NDST1: variants seen among roughly 807,000 people sequenced by gnomAD.
NDST1 encodes N-deacetylase and N-sulfotransferase 1, also known as bifunctional heparan sulfate N-deacetylase/N-sulfotransferase 1.
A neutral mutation model predicts 92.8 loss-of-function variants in NDST1; 35 were observed. The observed-to-expected ratio is 0.38, with a 90% CI of 0.29 to 0.50. The LOEUF (loss-of-function observed/expected upper bound fraction) is 0.50, where lower values mean the gene tolerates loss of function less well. NDST1 is among the 20% of genes least tolerant of loss of function. The probability of loss-of-function intolerance (pLI) is 0.94; values close to 1 mark genes in which losing one functional copy is unlikely to be tolerated. For synonymous variants in NDST1, 493 were observed against 500.3 expected (o/e 0.99, Z 0.19); for missense variants, 822 against 1,182.7 (o/e 0.69, Z 4.47).
At chr5:150,538,955 CA>C (rs1204328972) in intron 6 of NDST1, among the ~76,000 whole-genome samples, 1 of 152,258 alleles carries the variant, frequency 6.6e-6, no homozygotes, top group Admixed American at 6.5e-5. Context: ...GTGGCTGCAG[CA>C]GTCCCAAGTT....
Position 150,521,012 on chromosome 5 carries a change from C to T in NDST1, c.-243C>T. On this transcript the variant is annotated 5_prime_UTR_variant, in exon 2 of 15. Coordinates refer to ENST00000261797, the MANE Select transcript of NDST1 (RefSeq NM_001543.5). This position sits in a 1 kb window ranked among gnomAD's most constrained non-coding sequence, Gnocchi z 5.9. ...CTGCACAGGACCACGCGGGGGTTTGCCATGGTGACATAAAGGGGCGCGGAG... is the reference window on the plus strand; with the variant it reads ...CTGCACAGGACCACGCGGGGGTTTGTCATGGTGACATAAAGGGGCGCGGAG... 1.7e-6 allele frequency: 1 copy of T among 597,306 alleles called. No homozygotes were observed. The highest frequency in any genetic ancestry group is 3.0e-6 in the Non-Finnish European group (1 of 335,638). The allele number at this position is 597,306 out of a possible 1,614,324, so 37.0% of individuals were successfully genotyped here.
At chr5:150,499,318 G>A (rs1753128982) in intron 1 of NDST1, among the ~76,000 whole-genome samples, 1 of 152,190 alleles carries the variant, frequency 6.6e-6, no homozygotes, top group East Asian at 1.9e-4. Flanking sequence ...GGTCATTGCT[G>A]GAGGTGAGGC....
chr5:150,552,305 C>G (rs549529729), intron 14 of NDST1, among the ~76,000 whole-genome samples: 1 of 151,864 alleles, frequency 6.6e-6, no homozygotes, highest in Non-Finnish European at 1.5e-5. Flanking sequence ...TCTGGAGTTG[C>G]GCCTAGAAGG....
chr5:150,535,321 G>T, intron 5 of NDST1: 1 of 985,430 alleles, frequency 1.0e-6, no homozygotes, highest in Non-Finnish European at 1.2e-6. Context: ...AGAAGGGGAG[G>T]CTCTGGAAAG....
rs763929007 is a variant in NDST1, at chr5:150,533,009, A to T, written c.1073A>T (p.Tyr358Phe). The change falls in exon 4 of 15, where the codon TAC becomes TTC. Residue 358 changes from tyrosine (Y) to phenylalanine (F), a missense_variant. Physicochemically the swap from Tyr to Phe is conservative, Grantham distance 22. Coordinates refer to ENST00000261797, the MANE Select transcript of NDST1 (RefSeq NM_001543.5). ...CCAAACTTCACCTTCAACCTGGGCTACTCAGGGAAATTCTTCCACACAGGT... is the reference window on the plus strand; with the variant it reads ...CCAAACTTCACCTTCAACCTGGGCTTCTCAGGGAAATTCTTCCACACAGGT... ...HIPNFTFNLG[Y>F]SGKFFHTGTN... is the part of the protein sequence containing the mutation. 4 of 1,614,014 alleles carry T rather than the reference A, an allele frequency of 2.5e-6. No individual in the cohort carries two copies. The African/African-American group carries it at 4.0e-5, about 16-fold the overall frequency.
At position 150,555,550 on chromosome 5, in the gene NDST1, G is replaced by A. The variant is rs1035841554; in HGVS notation, c.*2218G>A. The A allele has an allele frequency of 1.3e-5, 2 of 152,378 alleles. No individual in the cohort carries two copies. Among genetic ancestry groups the A allele is most frequent in the African/African-American group, 4.8e-5 (2 of 41,450 alleles). 9.4% of individuals were successfully genotyped at this position (152,378 alleles called of 1,614,324 possible). ...GAGCAGCAAAGGGTCTGAGGACAGG[G>A]TGGCATGTCTGCTTGTGTGCTCATG... is the stretch of plus-strand genomic sequence containing the variant. On this transcript the variant is annotated 3_prime_UTR_variant, in exon 15 of 15. Coordinates refer to ENST00000261797, the MANE Select transcript of NDST1 (RefSeq NM_001543.5).
intron 2 of NDST1, 108 bp from the exon 3 acceptor site, chr5:150,527,696 G>T: frequency 6.5e-7 from 1 of 1,527,940 alleles, no homozygotes. Context: ...CTCCATGAAT[G>T]TTGGTGAATA....
chr5:150,553,739 G>C lies in NDST1; in HGVS notation c.*407G>C. The C allele has an allele frequency of 2.4e-6, 1 of 417,290 alleles. No homozygotes were observed. Among genetic ancestry groups the C allele is most frequent in the East Asian group, 4.8e-5 (1 of 20,822 alleles). The allele number at this position is 417,290 out of a possible 1,614,324, so 25.8% of individuals were successfully genotyped here. On this transcript the variant is annotated 3_prime_UTR_variant, in exon 15 of 15. Transcript: ENST00000261797. The surrounding 1 kb of genome is among the most constrained non-coding windows in gnomAD (Gnocchi z 4.2). ...TATGTCCCTGTCCTCCAGGCTGTAG[G>C]GGAGGAGAGCCTGGCCGGGGGAGAC... is the stretch of plus-strand genomic sequence containing the variant.
rs1239080527 is a variant in NDST1, at chr5:150,553,973, G to T, written c.*641G>T. ...ACTCCATCCTCAAGGCTTCCCGCAG[G>T]GCCTTGGGGCACTGCCTTGCCATCG... On this transcript the variant is annotated 3_prime_UTR_variant, in exon 15 of 15. Coordinates refer to ENST00000261797, the MANE Select transcript of NDST1 (RefSeq NM_001543.5). The surrounding 1 kb of genome is among the most constrained non-coding windows in gnomAD (Gnocchi z 4.2). 1 of 409,226 alleles carries T rather than the reference G, an allele frequency of 2.4e-6. No individual in the cohort carries two copies. Among genetic ancestry groups the T allele is most frequent in the Non-Finnish European group, 4.3e-6 (1 of 231,140 alleles). The allele number at this position is 409,226 out of a possible 1,614,324, so 25.3% of individuals were successfully genotyped here.
chr5:150,544,055 G>A (rs781006943), intron 10 of NDST1, among the ~76,000 whole-genome samples: 2 of 152,224 alleles, frequency 1.3e-5, no homozygotes, highest in Non-Finnish European at 2.9e-5. Context: ...TGGGATTACG[G>A]CGTGCGCCAC....
At chr5:150,548,144 G>C (rs891981740) in intron 11 of NDST1, 74 bp from the exon 12 acceptor site, 2 of 1,582,976 alleles carry the variant, frequency 1.3e-6, no homozygotes, top group South Asian at 2.2e-5. Context: ...GCCACCTTGC[G>C]GGCTGCTGTC....
intron 3 of NDST1, among the ~76,000 whole-genome samples, chr5:150,529,729 T>A (rs1313883140): frequency 6.6e-6 from 1 of 152,228 alleles, no homozygotes; most frequent in Non-Finnish European, 1.5e-5. Flanking sequence ...TATAGGAGAT[T>A]AGCAAGTGTT....
At chr5:150,537,166 C>T (rs61036325) in intron 6 of NDST1, among the ~76,000 whole-genome samples, 3,694 of 152,242 alleles carry the variant, frequency 0.024, 150 homozygotes, top group East Asian at 0.16. Flanking sequence ...GGATGAATGT[C>T]GTCTCAGGAC....
At chr5:150,513,748 C>A (rs1753831635) in intron 1 of NDST1, among the ~76,000 whole-genome samples, 1 of 152,334 alleles carries the variant, frequency 6.6e-6, no homozygotes, top group Non-Finnish European at 1.5e-5. Flanking sequence ...CAGGCCCAAG[C>A]CGGACCCCCT....
chr5:150,545,207 G>A lies in NDST1; in HGVS notation c.1971-105G>A, dbSNP rs1755427663. 5.5e-5 allele frequency: 73 copies of A among 1,339,038 alleles called. No individual in the cohort carries two copies. The South Asian group carries it at 8.6e-4, about 16-fold the overall frequency. 82.9% of individuals were successfully genotyped at this position (1,339,038 alleles called of 1,614,324 possible). On this transcript the variant is annotated intron_variant, in intron 10 of 14. Transcript: ENST00000261797. ...TGGTTGGGAGCAAAGCTTCCCACTT[G>A]CTCTCTGAGGACATTCTACCCCAGT... is the stretch of plus-strand genomic sequence containing the variant.
chr5:150,498,659 T>C (rs1753100362), intron 1 of NDST1, among the ~76,000 whole-genome samples: 1 of 152,198 alleles, frequency 6.6e-6, no homozygotes, highest in African/African-American at 2.4e-5. Flanking sequence ...CAACCTCCTT[T>C]TGTCCCTCCA....
chr5:150,547,422 G>A (rs1262413115), intron 11 of NDST1, among the ~76,000 whole-genome samples: 1 of 152,228 alleles, frequency 6.6e-6, no homozygotes, highest in Non-Finnish European at 1.5e-5. Context: ...GATAGTGCCT[G>A]TCGCACAGGT....
intron 2 of NDST1, among the ~76,000 whole-genome samples, chr5:150,522,244 T>C (rs1399774529): frequency 1.3e-5 from 2 of 152,124 alleles, no homozygotes; most frequent in Admixed American, 6.5e-5. Context: ...CTCTATCCCA[T>C]GCTCTTCCCT....
chr5:150,537,742 C>T (rs1232369455), intron 6 of NDST1, among the ~76,000 whole-genome samples: 2 of 152,192 alleles, frequency 1.3e-5, no homozygotes, highest in African/African-American at 4.8e-5. Context: ...TTCGTACGCT[C>T]CCTCCCCTTT....
Sources: gnomAD v4.1 joint callset for allele counts (sites outside exome capture counted in the v4.1 genomes callset) on GRCh38, gnomAD v4.1.1 for gene constraint, Gnocchi (gnomAD v3.1) non-coding constraint, MANE v1.5 for transcripts, NCBI Gene and HGNC (gene_info 2026-07-23, HGNC 2026-07-21) for gene names.